Variants in ADD3 observed in about 807,000 individuals in gnomAD.
ADD3 encodes adducin 3.
In ADD3, 25 loss-of-function variants were observed where a neutral mutation model predicts 80.2. The ratio of observed to expected loss-of-function variants is 0.31; its 90% confidence interval spans 0.23 to 0.44. The LOEUF is 0.44. Ranked by LOEUF, ADD3 falls within the 20% of genes least tolerant of loss-of-function variation. The pLI, the probability that ADD3 is intolerant of heterozygous loss-of-function variation, is 1.00. For missense variants in ADD3, 829 were observed against 847.5 expected, an observed-to-expected ratio of 0.98 and a Z score of 0.27; for synonymous variants, 284 against 289.6, an observed-to-expected ratio of 0.98 and a Z score of 0.20.
At chr10:110,072,964 T>C (rs897195670) in intron 1 of ADD3, among the ~76,000 whole-genome samples, 4 of 152,148 alleles carry the variant, frequency 2.6e-5, no homozygotes, top group African/African-American at 9.7e-5. Context: ...CCTTGAGTTT[T>C]ACTCCCTCAG....
At chr10:110,122,629 G>A (rs1851657445) in intron 9 of ADD3, among the ~76,000 whole-genome samples, 1 of 137,068 alleles carries the variant, frequency 7.3e-6, no homozygotes, top group African/African-American at 2.8e-5. Context: ...ACTTTTATGA[G>A]TTCAACTTTT....
At chr10:110,065,910 G>T (rs966291317) in intron 1 of ADD3, among the ~76,000 whole-genome samples, 4 of 151,990 alleles carry the variant, frequency 2.6e-5, no homozygotes, top group Non-Finnish European at 5.9e-5. Flanking sequence ...GTTTTTTCAA[G>T]TATGTATTTT....
At chr10:110,046,692 A>G (rs1035436027) in intron 1 of ADD3, among the ~76,000 whole-genome samples, 1 of 152,160 alleles carries the variant, frequency 6.6e-6, no homozygotes, top group Admixed American at 6.5e-5. Context: ...CCTCATCTAC[A>G]AGATGGAGGT....
At chr10:110,031,903 A>G (rs1048540253) in intron 1 of ADD3, among the ~76,000 whole-genome samples, 7 of 145,270 alleles carry the variant, frequency 4.8e-5, no homozygotes, top group South Asian at 2.1e-4. Context: ...TATTACCTCA[A>G]TACTTTTTTT....
chr10:110,122,626 T>TAA (rs1851656829), intron 9 of ADD3, among the ~76,000 whole-genome samples: 1 of 150,854 alleles, frequency 6.6e-6, no homozygotes, highest in Non-Finnish European at 1.5e-5. Context: ...TCTACTTTTA[T>TAA]GAGTTCAACT....
chr10:110,041,934 G>A (rs1247173626), intron 1 of ADD3, among the ~76,000 whole-genome samples: 1 of 152,156 alleles, frequency 6.6e-6, no homozygotes, highest in African/African-American at 2.4e-5. Context: ...CAAAAAATAT[G>A]TGGATAATTT....
chr10:110,087,450 G>A (rs952180122), intron 1 of ADD3, among the ~76,000 whole-genome samples: 1 of 152,214 alleles, frequency 6.6e-6, no homozygotes, highest in Non-Finnish European at 1.5e-5. Context: ...AGAGCCTGCT[G>A]CATCTTTAAT....
chr10:110,065,838 C>T (rs1843886730), intron 1 of ADD3, among the ~76,000 whole-genome samples: 1 of 151,982 alleles, frequency 6.6e-6, no homozygotes, highest in Middle Eastern at 3.4e-3. Flanking sequence ...CGGCGCCCGA[C>T]CTCTTTTAGC....
At chr10:110,083,709 T>C (rs1286117192) in intron 1 of ADD3, among the ~76,000 whole-genome samples, 1 of 152,176 alleles carries the variant, frequency 6.6e-6, no homozygotes, top group Admixed American at 6.5e-5. Context: ...AAGATGGGAC[T>C]TCCTGGATGC....
chr10:110,022,410 C>T (rs1347853241), intron 1 of ADD3, among the ~76,000 whole-genome samples: 1 of 151,900 alleles, frequency 6.6e-6, no homozygotes, highest in African/African-American at 2.4e-5. Context: ...ACTGGGTTGG[C>T]TAAAATATTT....
At chr10:110,041,252 A>C (rs190123004) in intron 1 of ADD3, among the ~76,000 whole-genome samples, 85 of 152,338 alleles carry the variant, frequency 5.6e-4, no homozygotes, top group African/African-American at 2.0e-3. Flanking sequence ...AATTAATAAC[A>C]GGAGAATTGA....
At chr10:110,018,816 T>C (rs1007716034) in intron 1 of ADD3, among the ~76,000 whole-genome samples, 2 of 152,158 alleles carry the variant, frequency 1.3e-5, no homozygotes, top group South Asian at 4.1e-4. Flanking sequence ...GGAAATACAT[T>C]AGAATATGGC....
intron 1 of ADD3, among the ~76,000 whole-genome samples, chr10:110,027,143 A>G (rs1464302861): frequency 1.3e-5 from 2 of 152,260 alleles, no homozygotes; most frequent in African/African-American, 4.8e-5. Flanking sequence ...GTAGAAGACT[A>G]CATTAGTTTG....
At chr10:110,053,727 G>C (rs969836774) in intron 1 of ADD3, among the ~76,000 whole-genome samples, 3 of 152,154 alleles carry the variant, frequency 2.0e-5, no homozygotes, top group Non-Finnish European at 4.4e-5. Flanking sequence ...GGTAAAATAA[G>C]AGTAGGTAAA....
intron 1 of ADD3, among the ~76,000 whole-genome samples, chr10:110,079,457 AGAGAGTGT>A (rs1273695094): frequency 0.013 from 1,532 of 120,902 alleles, 30 homozygotes; most frequent in African/African-American, 0.051. Context: ...AGAGAGAGAG[AGAGAGTGT>A]GTGTGTGTGT....
chr10:110,128,551 G>C (rs1852491715), intron 12 of ADD3, among the ~76,000 whole-genome samples: 1 of 152,026 alleles, frequency 6.6e-6, no homozygotes, highest in Non-Finnish European at 1.5e-5. Context: ...AAGTAGCTGG[G>C]ACTACAGGCG....
chr10:110,086,664 AAGATGTG>A, intron 1 of ADD3, among the ~76,000 whole-genome samples: 1 of 152,266 alleles, frequency 6.6e-6, no homozygotes, highest in African/African-American at 2.4e-5. Context: ...CCACCATGCA[AAGATGTG>A]CTTGCTTCCC....
At chr10:110,041,656 C>CTT (rs1856376395) in intron 1 of ADD3, among the ~76,000 whole-genome samples, 1 of 152,172 alleles carries the variant, frequency 6.6e-6, no homozygotes, top group Non-Finnish European at 1.5e-5. Context: ...CTCTGGTTCT[C>CTT]TGTCATACAA....
At chr10:110,064,431 C>G (rs549822987) in intron 1 of ADD3, among the ~76,000 whole-genome samples, 1 of 152,326 alleles carries the variant, frequency 6.6e-6, no homozygotes, top group Admixed American at 6.5e-5. Flanking sequence ...TTTAGCCACA[C>G]TGGTAGGTAG....
Sources: allele counts gnomAD v4.1 joint callset (sites outside exome capture counted in the v4.1 genomes callset), GRCh38; gene constraint gnomAD v4.1.1; transcripts MANE v1.5; gene names NCBI Gene and HGNC (gene_info 2026-07-23, HGNC 2026-07-21).